Variants in GPR180 observed in about 807,000 individuals in gnomAD.
GPR180 encodes the protein G protein-coupled receptor 180, also known as integral membrane protein GPR180.
Under a neutral mutation model 52.6 loss-of-function variants are expected in GPR180, and 53 were observed. The observed-to-expected ratio is 1.01, with a 90% CI of 0.81 to 1.27. The LOEUF (loss-of-function observed/expected upper bound fraction) is 1.27. Ranked by LOEUF, GPR180 falls within the 50% of genes most tolerant of loss-of-function variation. GPR180 has a pLI of 0.00. For missense variants in GPR180, 533 were observed against 527.0 expected (o/e 1.01, Z -0.11); for synonymous variants, 200 against 193.1 (o/e 1.04, Z -0.30).
chr13:94,613,487 A>C (rs1398275940), intron 3 of GPR180, among the ~76,000 whole-genome samples: 1 of 152,130 alleles, frequency 6.6e-6, no homozygotes, highest in South Asian at 2.1e-4. Flanking sequence ...GGGTCTCGCT[A>C]TGTTGCCCAG....
chr13:94,623,109 A>G lies in GPR180; in HGVS notation c.895A>G (p.Ser299Gly). 6.3e-7 allele frequency: 1 copy of G among 1,599,956 alleles called. No individual in the cohort carries two copies. ...GIAVFIVMTQ[S>G]VLLLWEQFED... ...ATGTAATATTGTTTTTCTTTTGCAG[A>G]GTGTTTTGCTACTTTGGGAACAGTT... Residue 299 changes from serine to glycine, a missense_variant and splice_region_variant, in exon 7 of 9, where the codon AGT becomes GGT. Transcript: ENST00000376958.
At chr13:94,607,624 A>C (rs1278092227) in intron 2 of GPR180, among the ~76,000 whole-genome samples, 4 of 152,212 alleles carry the variant, frequency 2.6e-5, no homozygotes, top group Admixed American at 2.6e-4. Flanking sequence ...TTGTTATAAA[A>C]TCAGTCAATG....
chr13:94,613,816 G>A (rs916969316), intron 3 of GPR180, among the ~76,000 whole-genome samples: 6 of 150,816 alleles, frequency 4.0e-5, no homozygotes, highest in Admixed American at 4.0e-4. Context: ...ATGGAACCCA[G>A]GTCTACTAAG....
Position 94,612,380 on chromosome 13 carries a change from T to C in GPR180, c.495T>C (p.Ala165=). The change falls in exon 3 of 9, where the codon GCT becomes GCC. Residue 165 remains alanine (A), a synonymous_variant. Transcript: ENST00000376958. ...GGAATCCATTTGATCATTTTAGTGCTGGAGAATCTGGTAAGAATATGTATT... is the reference window on the plus strand; with the variant it reads ...GGAATCCATTTGATCATTTTAGTGCCGGAGAATCTGGTAAGAATATGTATT... ...AEGNPFDHFS[A]GESGLHEFFF... 6.2e-7 allele frequency: 1 copy of C among 1,603,310 alleles called. No homozygotes were observed. The highest frequency in any genetic ancestry group is 8.5e-7 in the Non-Finnish European group (1 of 1,170,034).
chr13:94,606,773 C>T lies in GPR180; in HGVS notation c.304+1224C>T, dbSNP rs116391238. ...AAAGAGCAGAGGTCCCCAGTCCTTG[C>T]CACCCATTGTGGGGATCTTTAATGT... is the stretch of plus-strand genomic sequence containing the variant. On this transcript the variant is annotated intron_variant, in intron 2 of 8. Coordinates refer to ENST00000376958, the MANE Select transcript of GPR180 (RefSeq NM_180989.6). 2.2e-3 allele frequency among the ~76,000 whole-genome samples: 333 copies of T among 152,314 alleles called. 4 individuals carry two copies. Among genetic ancestry groups the T allele is most frequent in the African/African-American group, 7.7e-3 (319 of 41,576 alleles).
intron 3 of GPR180, 39 bp from the exon 4 acceptor site, chr13:94,619,109 CTT>C: frequency 6.5e-7 from 1 of 1,538,442 alleles, no homozygotes; most frequent in Non-Finnish European, 8.9e-7. Flanking sequence ...CGATAACTGG[CTT>C]TGTTTTACTG....
rs553841523 is a variant in GPR180, at chr13:94,616,021, A to ATC, written c.506-3123_506-3122dup. ...GCTTCTCCAGGGTGGTTTATTTAGCATCTCTCTACCCTGCTATCCTCAGAC... is the reference window on the plus strand; with the variant it reads ...GCTTCTCCAGGGTGGTTTATTTAGCATCTCTCTCTACCCTGCTATCCTCAGAC... On this transcript the variant is annotated intron_variant, in intron 3 of 8. Transcript: ENST00000376958. Among the ~76,000 whole-genome samples, 111 of 152,308 alleles carry ATC rather than the reference A, an allele frequency of 7.3e-4. No homozygotes were observed. The East Asian group carries it at 0.019, about 25-fold the overall frequency.
At position 94,607,787 on chromosome 13, in the gene GPR180, T is replaced by A. The variant is rs376670782; in HGVS notation, c.304+2238T>A. Among the ~76,000 whole-genome samples the A allele has an allele frequency of 9.9e-5, 15 of 152,244 alleles. No homozygotes were observed. The South Asian group carries it at 2.9e-3, about 29-fold the overall frequency. ...CAGATGAATGTGAATAAATGTAAAA[T>A]TGCAATTTTGATAAGTACTATGAAT... is the stretch of plus-strand genomic sequence containing the variant. On this transcript the variant is annotated intron_variant, in intron 2 of 8. Coordinates refer to ENST00000376958, the MANE Select transcript of GPR180 (RefSeq NM_180989.6).
Position 94,619,277 on chromosome 13 carries a change from T to C in GPR180, c.633T>C (p.Thr211=). The C allele has an allele frequency of 6.2e-7, 1 of 1,614,176 alleles. No homozygotes were observed. Among genetic ancestry groups the C allele is most frequent in the Non-Finnish European group, 8.5e-7 (1 of 1,180,016 alleles). ...ACATGATTTTAAAGGTTCTGACAACTGCATTGCTGTTACAAGCTGGTTCAG... is the reference window on the plus strand; with the variant it reads ...ACATGATTTTAAAGGTTCTGACAACCGCATTGCTGTTACAAGCTGGTTCAG... ...PMHMILKVLT[T]ALLLQAGSAL... Residue 211 remains threonine, a synonymous_variant, in exon 4 of 9, where the codon ACT becomes ACC. Coordinates refer to ENST00000376958, the MANE Select transcript of GPR180 (RefSeq NM_180989.6).
At chr13:94,604,097 G>A (rs1889596248) in intron 1 of GPR180, among the ~76,000 whole-genome samples, 1 of 152,134 alleles carries the variant, frequency 6.6e-6, no homozygotes, top group South Asian at 2.1e-4. Context: ...ACTTTGGGAG[G>A]CTGAGGTGGG....
chr13:94,621,007 C>A (rs1889844630), intron 5 of GPR180, 71 bp from the exon 6 acceptor site: 13 of 1,292,732 alleles, frequency 1.0e-5, no homozygotes, highest in East Asian at 2.7e-5. Context: ...AAAAGATGTT[C>A]TCAATGCAAA....
chr13:94,617,549 C>A (rs941281700), intron 3 of GPR180, among the ~76,000 whole-genome samples: 5 of 152,146 alleles, frequency 3.3e-5, no homozygotes, highest in African/African-American at 1.2e-4. Flanking sequence ...AGTTAACTGT[C>A]CACATTTATA....
At chr13:94,606,002 A>G (rs1856872867) in intron 2 of GPR180, among the ~76,000 whole-genome samples, 1 of 152,186 alleles carries the variant, frequency 6.6e-6, no homozygotes, top group Non-Finnish European at 1.5e-5. Flanking sequence ...AAAATATGTC[A>G]CTTTGACAGC....
chr13:94,627,042 G>A lies in GPR180; in HGVS notation c.1194G>A (p.Gln398=), dbSNP rs755431696. The change falls in exon 9 of 9, where the codon CAG becomes CAA. Residue 398 remains glutamine (Q), a synonymous_variant. Transcript: ENST00000376958. The stretch of plus-strand genomic sequence containing the variant: ...TTACAATAGGTGTTATCCTTTGCCA[G>A]TCTGTTTCCATGGTTATTCTCTACA... ...KVITIGVILC[Q]SVSMVILYRL... 4.4e-5 allele frequency: 71 copies of A among 1,609,406 alleles called. No homozygotes were observed. In the Admixed American group the frequency reaches 1.2e-3, roughly 27 times the overall value.
chr13:94,621,783 G>T (rs1290863577), intron 6 of GPR180, among the ~76,000 whole-genome samples: 1 of 151,946 alleles, frequency 6.6e-6, no homozygotes, highest in Admixed American at 6.5e-5. Flanking sequence ...CTTTTATAAA[G>T]GTCCTGCATG....
At chr13:94,612,004 G>T (rs899364323) in intron 2 of GPR180, among the ~76,000 whole-genome samples, 186 bp from the exon 3 acceptor site, 16 of 152,024 alleles carry the variant, frequency 1.1e-4, no homozygotes, top group Non-Finnish European at 2.4e-4. Context: ...CTCCTTTGCA[G>T]ATAAATTCTG....
chr13:94,619,530 C>T lies in GPR180; in HGVS notation c.736+13C>T. 1 of 1,606,934 alleles carries T rather than the reference C, an allele frequency of 6.2e-7. No individual in the cohort carries two copies. Among genetic ancestry groups the T allele is most frequent in the South Asian group, 1.1e-5 (1 of 89,908 alleles). On this transcript the variant is annotated intron_variant, in intron 5 of 8. Transcript: ENST00000376958. ...AGTTTGGCAGAATGTGAGTATCTTT[C>T]TGAGCATTTTTTAAAAAGCTTTTAC...
chr13:94,602,204 C>T (rs1015774567), intron 1 of GPR180, 132 bp downstream of exon 1: 4 of 844,856 alleles, frequency 4.7e-6, no homozygotes, highest in East Asian at 6.7e-5. Flanking sequence ...TCACCTGGAC[C>T]TCCAGCGTTG....
intron 8 of GPR180, among the ~76,000 whole-genome samples, chr13:94,626,338 A>C (rs1408306629): frequency 6.6e-6 from 1 of 152,148 alleles, no homozygotes; most frequent in Non-Finnish European, 1.5e-5. Context: ...TTAAAAAATG[A>C]TTAAAATTTT....
Sources: gnomAD v4.1 joint callset for allele counts (sites outside exome capture counted in the v4.1 genomes callset) on GRCh38, gnomAD v4.1.1 for gene constraint, MANE v1.5 for transcripts, NCBI Gene and HGNC (gene_info 2026-07-23, HGNC 2026-07-21) for gene names.